Variants in PDSS2 observed in about 807,000 individuals in gnomAD.
PDSS2 encodes the protein all trans-polyprenyl-diphosphate synthase PDSS2.
In PDSS2, 31 loss-of-function variants were observed where a neutral mutation model predicts 44.5. The observed-to-expected ratio is 0.70, with a 90% CI of 0.52 to 0.94. The LOEUF is 0.94. PDSS2 is among the 40% of genes least tolerant of loss of function. PDSS2 has a pLI of 0.00. For synonymous variants in PDSS2, 157 were observed against 180.3 expected (o/e 0.87, Z 1.03); for missense variants, 452 against 482.2 (o/e 0.94, Z 0.59).
chr6:107,459,261 G>C lies in PDSS2; in HGVS notation c.25C>G (p.His9Asp), dbSNP rs1368951996. The change falls in exon 1 of 8, where the codon CAC becomes GAC. Residue 9 changes from histidine to aspartate, a missense_variant. By Grantham distance (81) the His-to-Asp change is moderately conservative. Transcript: ENST00000369037. This position sits in a 1 kb window ranked among gnomAD's most constrained non-coding sequence, Gnocchi z 4.3. Reference sequence around the variant, plus strand: ...GAGGCTCCAAGATAACGTGGCAAGTGCAACAGCAGCTGCCGAAAGTTCATG... The same window carrying C: ...GAGGCTCCAAGATAACGTGGCAAGTCCAACAGCAGCTGCCGAAAGTTCATG... The part of the protein sequence containing the change: MNFRQLLL[H>D]LPRYLGASGS... 3 of 1,614,118 alleles carry C rather than the reference G, an allele frequency of 1.9e-6. No individual in the cohort carries two copies. Among genetic ancestry groups the C allele is most frequent in the Admixed American group, 3.3e-5 (2 of 60,028 alleles).
chr6:107,358,607 C>T (rs1465568800), intron 1 of PDSS2, among the ~76,000 whole-genome samples: 1 of 151,966 alleles, frequency 6.6e-6, no homozygotes, highest in Admixed American at 6.6e-5. Context: ...AAAGCCATTG[C>T]AGAAATGATG....
At chr6:107,350,084 T>C (rs565906088) in intron 1 of PDSS2, among the ~76,000 whole-genome samples, 1 of 152,326 alleles carries the variant, frequency 6.6e-6, no homozygotes, top group African/African-American at 2.4e-5. Context: ...TGTGATTAGA[T>C]TGAGGTTTTA....
chr6:107,354,109 ATTTTT>A (rs113865458), intron 1 of PDSS2, among the ~76,000 whole-genome samples: 2 of 150,810 alleles, frequency 1.3e-5, no homozygotes, highest in African/African-American at 4.9e-5. Flanking sequence ...GATGTAATGA[ATTTTT>A]TTTTTCTTTT....
At chr6:107,335,473 G>A (rs759241572) in intron 1 of PDSS2, among the ~76,000 whole-genome samples, 167 of 152,238 alleles carry the variant, frequency 1.1e-3, no homozygotes, top group Admixed American at 2.8e-3. Context: ...TTCAAAAGAC[G>A]CAGAAATTTG....
At chr6:107,349,259 C>G (rs535661858) in intron 1 of PDSS2, among the ~76,000 whole-genome samples, 2 of 151,914 alleles carry the variant, frequency 1.3e-5, no homozygotes, top group Non-Finnish European at 2.9e-5. Flanking sequence ...GGTGAAACCC[C>G]GTCTCTACTA....
chr6:107,404,566 C>T (rs531758478), intron 1 of PDSS2, among the ~76,000 whole-genome samples: 5 of 152,144 alleles, frequency 3.3e-5, no homozygotes, highest in East Asian at 3.9e-4. Context: ...CGGCAGAAAG[C>T]GAACAAGGAG....
intron 7 of PDSS2, among the ~76,000 whole-genome samples, chr6:107,171,673 G>C (rs1410526368): frequency 6.6e-6 from 1 of 152,040 alleles, no homozygotes; most frequent in Non-Finnish European, 1.5e-5. Flanking sequence ...ACCATGCCTG[G>C]CTAATTTATT....
intron 7 of PDSS2, among the ~76,000 whole-genome samples, chr6:107,168,356 G>C (rs1771431781): frequency 6.6e-6 from 1 of 151,860 alleles, no homozygotes; most frequent in Admixed American, 6.6e-5. Context: ...CCTTTATTTT[G>C]AGTCCATGTG....
chr6:107,221,108 C>T (rs779211810), intron 4 of PDSS2, among the ~76,000 whole-genome samples: 4 of 152,038 alleles, frequency 2.6e-5, no homozygotes. Context: ...TTCGGGAGGC[C>T]GAGGCAGGTG....
At chr6:107,294,911 C>T (rs879543384) in intron 2 of PDSS2, among the ~76,000 whole-genome samples, 9 of 152,064 alleles carry the variant, frequency 5.9e-5, no homozygotes, top group Non-Finnish European at 1.3e-4. Context: ...CAGTCTGTCA[C>T]TAGACACAGG....
chr6:107,156,838 A>G (rs1483131768), intron 7 of PDSS2, among the ~76,000 whole-genome samples: 3 of 152,170 alleles, frequency 2.0e-5, no homozygotes, highest in African/African-American at 7.2e-5. Context: ...ATCTGTAGCC[A>G]TTTTGACTGA....
chr6:107,364,484 C>T (rs1206092246), intron 1 of PDSS2, among the ~76,000 whole-genome samples: 8 of 151,840 alleles, frequency 5.3e-5, no homozygotes, highest in East Asian at 1.9e-4. Context: ...GCCACTGGCC[C>T]GGGTGCTAAG....
intron 1 of PDSS2, 70 bp downstream of exon 1, chr6:107,458,920 T>G: frequency 1.4e-6 from 2 of 1,381,454 alleles, no homozygotes; most frequent in East Asian, 4.7e-5. Flanking sequence ...AGAGCTAGAA[T>G]GCGTATGCCC....
At chr6:107,266,565 C>G (rs1020320650) in intron 3 of PDSS2, among the ~76,000 whole-genome samples, 11 of 152,052 alleles carry the variant, frequency 7.2e-5, no homozygotes, top group African/African-American at 1.9e-4. Flanking sequence ...GGAAAAAATT[C>G]CTCACCAGAG....
At chr6:107,197,123 T>C (rs1008493440) in intron 6 of PDSS2, among the ~76,000 whole-genome samples, 2 of 152,126 alleles carry the variant, frequency 1.3e-5, no homozygotes, top group African/African-American at 4.8e-5. Context: ...AAGTAAGTGT[T>C]TCCCTGAGTT....
At chr6:107,330,886 C>T (rs1777690594) in intron 2 of PDSS2, among the ~76,000 whole-genome samples, 1 of 152,100 alleles carries the variant, frequency 6.6e-6, no homozygotes, top group East Asian at 1.9e-4. Context: ...ACATTTTAGC[C>T]TAAATTCTGC....
chr6:107,259,971 G>C (rs766349504), intron 3 of PDSS2, among the ~76,000 whole-genome samples: 5 of 152,156 alleles, frequency 3.3e-5, no homozygotes, highest in Non-Finnish European at 7.3e-5. Flanking sequence ...GGTGTTTCCA[G>C]ATTTCTGCCT....
intron 3 of PDSS2, among the ~76,000 whole-genome samples, chr6:107,257,394 C>A (rs765868385): frequency 2.9e-4 from 44 of 150,044 alleles, no homozygotes; most frequent in Non-Finnish European, 5.3e-4. Flanking sequence ...AAAAAATTAA[C>A]AAGGCATGGT....
intron 3 of PDSS2, among the ~76,000 whole-genome samples, chr6:107,255,834 C>A (rs1775001447): frequency 1.3e-5 from 2 of 152,076 alleles, no homozygotes; most frequent in South Asian, 2.1e-4. Flanking sequence ...GTATTTATTT[C>A]TTTATCACTT....
Sources: gnomAD v4.1 joint callset for allele counts (sites outside exome capture counted in the v4.1 genomes callset) on GRCh38, gnomAD v4.1.1 for gene constraint, Gnocchi (gnomAD v3.1) non-coding constraint, MANE v1.5 for transcripts, NCBI Gene and HGNC (gene_info 2026-07-23, HGNC 2026-07-21) for gene names.